SPINDOC: variants seen among roughly 807,000 people sequenced by gnomAD.
SPINDOC encodes spindlin interactor and repressor of chromatin binding, also known as spindlin interactor and repressor of chromatin-binding protein.
Under a neutral mutation model 30.7 loss-of-function variants are expected in SPINDOC, and 13 were observed. That is an observed-to-expected ratio of 0.42 (90% confidence interval 0.28 to 0.67). SPINDOC has a LOEUF of 0.67. Among genes scored for constraint, SPINDOC ranks in the 30% least tolerant of loss-of-function variants. The pLI is 0.22. For synonymous variants in SPINDOC, 228 were observed against 211.4 expected, an observed-to-expected ratio of 1.08 and a Z score of -0.68; for missense variants, 438 against 518.0, an observed-to-expected ratio of 0.85 and a Z score of 1.50.
At chr11:63,825,747 G>T (rs10897450) in intron 5 of SPINDOC, among the ~76,000 whole-genome samples, 7 of 151,890 alleles carry the variant, frequency 4.6e-5, no homozygotes, top group Non-Finnish European at 8.8e-5. Flanking sequence ...GATAAAAATG[G>T]GGTGGCAGCC....
At chr11:63,823,128 T>C (rs940266123) in intron 5 of SPINDOC, 3 of 1,288,506 alleles carry the variant, frequency 2.3e-6, no homozygotes, top group Non-Finnish European at 3.0e-6. Context: ...CAAAATTCTG[T>C]GTCCAGGTAT....
rs191382664 is a variant in SPINDOC at position 63,820,421 on chromosome 11, C to G, written c.934+1419C>G. 1.0e-2 allele frequency among the ~76,000 whole-genome samples: 1,485 copies of G among 148,734 alleles called. 18 individuals carry two copies. Among genetic ancestry groups the G allele is most frequent in the African/African-American group, 0.035 (1,415 of 40,518 alleles). ...TCCAAAAAAAAAAAAAAAAAAGAAG[C>G]TTACATACAGTTTATTTGGCCCTTA... On this transcript the variant is annotated intron_variant, in intron 5 of 5. Transcript: ENST00000294244.
At chr11:63,821,837 C>A (rs1241839927) in intron 5 of SPINDOC, among the ~76,000 whole-genome samples, 3 of 152,146 alleles carry the variant, frequency 2.0e-5, no homozygotes. Context: ...CAACCTCAAA[C>A]TCCCAGGCTC....
Position 63,813,568 on chromosome 11 carries a change from G to T in SPINDOC, c.-119G>T, listed in dbSNP as rs2015251653. ...GCGGGCGGGCGGCGGGGAGGGGGCT[G>T]CGCGGGGCGGGCGGCGGGCCCGGCG... On this transcript the variant is annotated 5_prime_UTR_variant, in exon 1 of 6. Transcript: ENST00000294244. The T allele has an allele frequency of 3.4e-6, 3 of 894,082 alleles. No homozygotes were observed. The highest frequency in any genetic ancestry group is 4.1e-6 in the Non-Finnish European group (3 of 735,326). 55.4% of individuals were successfully genotyped at this position (894,082 alleles called of 1,614,324 possible). A position where few individuals can be genotyped will look rare whatever the true frequency, so the allele number is the denominator to read the frequency against.
intron 5 of SPINDOC, among the ~76,000 whole-genome samples, chr11:63,822,370 AAAAAAAAAAAGAAAC>A (rs1204655929): frequency 0.013 from 1,899 of 151,108 alleles, 50 homozygotes; most frequent in African/African-American, 0.041. Flanking sequence ...AAAAAAAAAA[AAAAAAAAAAAGAAAC>A]AAAGAAAAAA....
At position 63,818,749 on chromosome 11, in the gene SPINDOC, CT is replaced by C. The variant is rs1052867312; in HGVS notation, c.734-52del. 16 of 1,612,234 alleles carry C rather than the reference CT, an allele frequency of 9.9e-6. 2 individuals are homozygous for C. The African/African-American group carries it at 1.1e-4, about 11-fold the overall frequency. On this transcript the variant is annotated intron_variant, in intron 4 of 5. Coordinates refer to ENST00000294244, the MANE Select transcript of SPINDOC (RefSeq NM_138471.3). This position sits in a 1 kb window ranked among gnomAD's most constrained non-coding sequence, Gnocchi z 5.3. ...GGAGCAGGGCCTGGGCGCAGGGCGCCTGCAGCTCCTGAGGCTTTTTCACTCA... is the reference window on the plus strand; with the variant it reads ...GGAGCAGGGCCTGGGCGCAGGGCGCCGCAGCTCCTGAGGCTTTTTCACTCA...
chr11:63,815,546 C>G (rs1158669425), intron 1 of SPINDOC, among the ~76,000 whole-genome samples: 1 of 152,190 alleles, frequency 6.6e-6, no homozygotes, highest in African/African-American at 2.4e-5. Context: ...CTGGAAGTAT[C>G]TAGCTAGTGG....
chr11:63,827,130 T>G lies in SPINDOC; in HGVS notation c.1137T>G (p.Asn379Lys), dbSNP rs1267678208. ...TGGCAGGGAAGCCGGAAAAAGGGAA[T>G]GGAGTGTAAATTCTTGCTTTCCTGG... ...TTVAGKPEKG[N>K]GV is the part of the protein sequence containing the mutation. Residue 379 changes from asparagine (N) to lysine (K), a missense_variant, in exon 6 of 6, where the codon AAT becomes AAG. Physicochemically the swap from Asn to Lys is moderately conservative, Grantham distance 94 (BLOSUM62 0). Coordinates refer to ENST00000294244, the MANE Select transcript of SPINDOC (RefSeq NM_138471.3). 7.5e-7 allele frequency: 1 copy of G among 1,324,540 alleles called. No homozygotes were observed. The highest frequency in any genetic ancestry group is 1.0e-6 in the Non-Finnish European group (1 of 979,296). 82.0% of individuals were successfully genotyped at this position (1,324,540 alleles called of 1,614,324 possible).
intron 5 of SPINDOC, among the ~76,000 whole-genome samples, chr11:63,824,493 A>G (rs480874): frequency 6.6e-6 from 1 of 151,964 alleles, no homozygotes. Flanking sequence ...TGCCTGGCAC[A>G]GCGTAGGCCC....
chr11:63,826,902 T>A (rs753525497), intron 5 of SPINDOC, 26 bp from the exon 6 acceptor site: 16 of 1,190,418 alleles, frequency 1.3e-5, no homozygotes, highest in Non-Finnish European at 2.0e-5. Context: ...GGGCTCTGAC[T>A]GCTCTCTGCT....
intron 5 of SPINDOC, among the ~76,000 whole-genome samples, chr11:63,826,246 G>A (rs1042094143): frequency 1.3e-5 from 2 of 152,128 alleles, no homozygotes; most frequent in African/African-American, 4.8e-5. Flanking sequence ...CTAATGTAAC[G>A]TAACCTTTGC....
intron 5 of SPINDOC, among the ~76,000 whole-genome samples, chr11:63,826,277 C>T (rs549366746): frequency 6.6e-5 from 10 of 152,248 alleles, no homozygotes; most frequent in African/African-American, 2.2e-4. Context: ...GTTGCGTGCT[C>T]GTTTTTTATG....
At chr11:63,820,136 G>A (rs1208113739) in intron 5 of SPINDOC, among the ~76,000 whole-genome samples, 3 of 152,128 alleles carry the variant, frequency 2.0e-5, no homozygotes, top group Non-Finnish European at 2.9e-5. Flanking sequence ...GGTGGCTCAC[G>A]CCTGTAATCC....
chr11:63,816,669 A>G (rs940347980), intron 1 of SPINDOC, among the ~76,000 whole-genome samples: 1 of 152,110 alleles, frequency 6.6e-6, no homozygotes, highest in African/African-American at 2.4e-5. Flanking sequence ...GTGAAGGATC[A>G]TGGGCACTTC....
At chr11:63,822,260 C>A (rs2015541590) in intron 5 of SPINDOC, among the ~76,000 whole-genome samples, 2 of 148,358 alleles carry the variant, frequency 1.3e-5, no homozygotes, top group African/African-American at 5.0e-5. Flanking sequence ...AAGAGGATCA[C>A]TTGAGCCCAA....
chr11:63,814,128 C>A (rs1007753330), intron 1 of SPINDOC, among the ~76,000 whole-genome samples: 1 of 152,226 alleles, frequency 6.6e-6, no homozygotes, highest in Admixed American at 6.5e-5. Context: ...CACCAGAGGC[C>A]GGATCCCCAG....
At chr11:63,826,015 T>C (rs960102185) in intron 5 of SPINDOC, among the ~76,000 whole-genome samples, 6 of 152,052 alleles carry the variant, frequency 3.9e-5, no homozygotes, top group Admixed American at 3.3e-4. Flanking sequence ...CTTGGCTCAC[T>C]GCAACCTCCA....
chr11:63,820,662 C>T (rs553800372), intron 5 of SPINDOC, among the ~76,000 whole-genome samples: 140 of 151,400 alleles, frequency 9.2e-4, no homozygotes, highest in Non-Finnish European at 1.7e-3. Context: ...GAGGCTGAGA[C>T]GGGCGGATCA....
rs751502682 is a variant in SPINDOC at position 63,827,134 on chromosome 11, G to C, written c.1141G>C (p.Val381Leu). The C allele has an allele frequency of 1.4e-6, 2 of 1,452,240 alleles. No individual in the cohort carries two copies. The highest frequency in any genetic ancestry group is 1.8e-5 in the Admixed American group (1 of 56,208). 90.0% of individuals were successfully genotyped at this position (1,452,240 alleles called of 1,614,324 possible). A position where few individuals can be genotyped will look rare whatever the true frequency, so the allele number is the denominator to read the frequency against. The change falls in exon 6 of 6, where the codon GTG (valine) becomes CTG (leucine). Residue 381 changes from valine to leucine, a missense_variant. Around this residue, in one of 3 missense-constraint regions of SPINDOC, gnomAD observed 300 missense variants for 332.8 expected, o/e 0.90. Coordinates refer to ENST00000294244, the MANE Select transcript of SPINDOC (RefSeq NM_138471.3). ...AGGGAAGCCGGAAAAAGGGAATGGA[G>C]TGTAAATTCTTGCTTTCCTGGGGAG... ...VAGKPEKGNG[V>L]
Sources: gnomAD v4.1 joint callset for allele counts (sites outside exome capture counted in the v4.1 genomes callset) on GRCh38, gnomAD v4.1.1 for gene constraint, gnomAD v4.1.1 regional missense constraint, Gnocchi (gnomAD v3.1) non-coding constraint, MANE v1.5 for transcripts, NCBI Gene and HGNC (gene_info 2026-07-23, HGNC 2026-07-21) for gene names.